The following ITSN1 variants were observed in gnomAD, a reference collection of about 807,000 sequenced individuals.
The protein encoded by ITSN1 is intersectin-1.
A neutral mutation model predicts 239.8 loss-of-function variants in ITSN1; 58 were observed. That is an observed-to-expected ratio of 0.24 (90% confidence interval 0.20 to 0.30). The LOEUF is 0.30. Ranked by LOEUF, ITSN1 falls within the 10% of genes least tolerant of loss-of-function variation. ITSN1 has a pLI of 1.00. For synonymous variants in ITSN1, 780 were observed against 770.8 expected (o/e 1.01, Z -0.20); for missense variants, 1,558 against 2,103.3 (o/e 0.74, Z 5.07).
Position 33,753,761 on chromosome 21 carries a change from TAAAAAAAAAAA to T in ITSN1, c.624-1518_624-1508del, listed in dbSNP as rs760085854. The stretch of plus-strand genomic sequence containing the variant: ...TGGGTGACACGGCAAGTCTCTTTCT[TAAAAAAAAAAA>T]AAAAAAAAAAAAAAAAATTCTCCTA... On this transcript the variant is annotated intron_variant, in intron 7 of 39. Transcript: ENST00000381318. 8.9e-4 allele frequency among the ~76,000 whole-genome samples: 73 copies of T among 81,768 alleles called. 1 individual carries two copies. The highest frequency in any genetic ancestry group is 3.5e-3 in the African/African-American group (62 of 17,578). 53.6% of individuals were successfully genotyped at this position (81,768 alleles called of 152,430 possible).
chr21:33,687,566 A>T (rs912826565), intron 1 of ITSN1, among the ~76,000 whole-genome samples: 1 of 152,290 alleles, frequency 6.6e-6, no homozygotes. Flanking sequence ...AGGGAACAGC[A>T]TTCCTCTTTC....
intron 1 of ITSN1, 79 bp from the exon 2 acceptor site, chr21:33,718,718 A>G: frequency 1.1e-6 from 1 of 903,666 alleles, no homozygotes; most frequent in South Asian, 1.4e-5. Context: ...TCTGACCATT[A>G]AAGATAGCAT....
chr21:33,850,351 G>C (rs899501824), intron 29 of ITSN1, among the ~76,000 whole-genome samples: 4 of 152,228 alleles, frequency 2.6e-5, no homozygotes, highest in African/African-American at 9.6e-5. Flanking sequence ...GAGCTCTGCT[G>C]GACCCACGAG....
At chr21:33,717,285 C>T (rs1190965688) in intron 1 of ITSN1, among the ~76,000 whole-genome samples, 2 of 151,740 alleles carry the variant, frequency 1.3e-5, no homozygotes, top group South Asian at 2.1e-4. Flanking sequence ...TAGCCTTGAC[C>T]TCCCGAGCTC....
chr21:33,862,588 G>T (rs961696996), intron 31 of ITSN1, among the ~76,000 whole-genome samples: 1 of 152,150 alleles, frequency 6.6e-6, no homozygotes, highest in African/African-American at 2.4e-5. Context: ...AAAGGCTTGA[G>T]GGCGAGATGG....
intron 1 of ITSN1, among the ~76,000 whole-genome samples, chr21:33,715,410 G>A (rs372703043): frequency 5.5e-4 from 84 of 152,166 alleles, no homozygotes; most frequent in Middle Eastern, 3.4e-3. Context: ...TGAACAGAAT[G>A]TATTCTCATA....
At position 33,755,278 on chromosome 21, in the gene ITSN1, C is replaced by CTTTT; in HGVS notation, c.624-17_624-14dup. 6.6e-7 allele frequency: 1 copy of CTTTT among 1,503,904 alleles called. No individual in the cohort carries two copies. The allele number at this position is 1,503,904 out of a possible 1,614,324, so 93.2% of individuals were successfully genotyped here. On this transcript the variant is annotated intron_variant, in intron 7 of 39. Coordinates refer to ENST00000381318, the MANE Select transcript of ITSN1 (RefSeq NM_003024.3). ...CCTTATGGATAATCCTCTTTCTCTC[C>CTTTT]TTTTTCTTTTCCCCACAGTGTCCCA...
rs80180156 is a variant in ITSN1, at chr21:33,780,394, C to T, written c.1597-1067C>T. 2.5e-3 allele frequency among the ~76,000 whole-genome samples: 386 copies of T among 152,184 alleles called. 3 individuals carry two copies. The highest frequency in any genetic ancestry group is 9.1e-3 in the African/African-American group (376 of 41,522). On this transcript the variant is annotated intron_variant, in intron 14 of 39. Coordinates refer to ENST00000381318, the MANE Select transcript of ITSN1 (RefSeq NM_003024.3). ...ATCAGATATTGGTTCCCTTTCTGTA[C>T]AGGGATTAGCAGATACTTGCTTTGG... is the stretch of plus-strand genomic sequence containing the variant.
chr21:33,686,408 G>A (rs1568935850), intron 1 of ITSN1, among the ~76,000 whole-genome samples: 1 of 151,914 alleles, frequency 6.6e-6, no homozygotes, highest in African/African-American at 2.4e-5. Flanking sequence ...TTTGAAATTT[G>A]TTATCTTAAG....
At chr21:33,782,226 A>G in intron 16 of ITSN1, 93 bp downstream of exon 16, 1 of 1,191,460 alleles carries the variant, frequency 8.4e-7, no homozygotes, top group African/African-American at 1.5e-5. Context: ...AGGCAGAAAA[A>G]TTTATTATGC....
At chr21:33,761,316 C>G (rs1040610401) in intron 8 of ITSN1, among the ~76,000 whole-genome samples, 25 of 152,244 alleles carry the variant, frequency 1.6e-4, no homozygotes, top group African/African-American at 6.0e-4. Context: ...ATCTGCCTGC[C>G]TCAGCCTCCC....
chr21:33,798,759 A>G (rs1216252995), intron 18 of ITSN1, among the ~76,000 whole-genome samples: 14 of 152,208 alleles, frequency 9.2e-5, no homozygotes, highest in Non-Finnish European at 1.9e-4. Flanking sequence ...GGCGTGAGGT[A>G]TGGAGTTGCA....
Position 33,818,451 on chromosome 21 carries a change from G to A in ITSN1, c.2912G>A (p.Gly971Glu), listed in dbSNP as rs1216174168. The A allele has an allele frequency of 6.2e-7, 1 of 1,614,020 alleles. No individual in the cohort carries two copies. Among genetic ancestry groups the A allele is most frequent in the Non-Finnish European group, 8.5e-7 (1 of 1,179,936 alleles). The change falls in exon 23 of 40, where the codon GGG becomes GAG. Residue 971 changes from glycine to glutamate, a missense_variant. Gly to Glu is a moderately conservative substitution (Grantham distance 98). Around this residue, in one of 2 missense-constraint regions of ITSN1, gnomAD observed 982 missense variants for 1,209.9 expected, o/e 0.81. Transcript: ENST00000381318. ...FPKSYVKLIS[G>E]PIRKSTSMDS... ...AAGTCTTACGTGAAACTCATTTCAG[G>A]GCCCATAAGGAAGTCTACAAGGTAT...
At chr21:33,689,740 G>A (rs1003721335) in intron 1 of ITSN1, among the ~76,000 whole-genome samples, 6 of 152,122 alleles carry the variant, frequency 3.9e-5, no homozygotes, top group African/African-American at 7.2e-5. Flanking sequence ...GGCTGAGGCC[G>A]GTGGATCACC....
chr21:33,867,158 C>T, intron 32 of ITSN1, 75 bp from the exon 33 acceptor site: 2 of 837,012 alleles, frequency 2.4e-6, no homozygotes. Context: ...AGAGTCCTCA[C>T]TGACATTAGT....
Position 33,823,818 on chromosome 21 carries a change from G to A in ITSN1, c.3183+165G>A, listed in dbSNP as rs568601883. On this transcript the variant is annotated intron_variant, in intron 25 of 39. Transcript: ENST00000381318. ...GTTTGATCTTGTCATTTGGCACTGC[G>A]CAGTAAGCACTGGCTTCCCCCAAGC... Among the ~76,000 whole-genome samples, 54 of 152,250 alleles carry A rather than the reference G, an allele frequency of 3.5e-4. No individual in the cohort carries two copies. In the South Asian group the frequency reaches 3.7e-3, roughly 11 times the overall value.
chr21:33,890,885 G>A lies in ITSN1; in HGVS notation c.*2585G>A. Reference sequence around the variant, plus strand: ...TAGACACCCCTGCAAGCGTTCCTCTGCTCTGAGCCACACTGCTAGCTTCTC... The same window carrying A: ...TAGACACCCCTGCAAGCGTTCCTCTACTCTGAGCCACACTGCTAGCTTCTC... On this transcript the variant is annotated 3_prime_UTR_variant, in exon 40 of 40. Transcript: ENST00000381318. 1 of 152,936 alleles carries A rather than the reference G, an allele frequency of 6.5e-6. No individual in the cohort carries two copies. Among genetic ancestry groups the A allele is most frequent in the Non-Finnish European group, 1.5e-5 (1 of 68,394 alleles). The allele number at this position is 152,936 out of a possible 1,614,324, so 9.5% of individuals were successfully genotyped here. A position where few individuals can be genotyped will look rare whatever the true frequency, so the allele number is the denominator to read the frequency against.
At chr21:33,820,686 C>T (rs1455324439) in intron 24 of ITSN1, among the ~76,000 whole-genome samples, 3 of 152,054 alleles carry the variant, frequency 2.0e-5, no homozygotes, top group Non-Finnish European at 1.5e-5. Context: ...TAAACAAATC[C>T]AGCATCTAAT....
In ITSN1 at chr21:33,882,221, G is replaced by C; in HGVS notation, c.4342-22G>C. 6.2e-7 allele frequency: 1 copy of C among 1,606,968 alleles called. No individual in the cohort carries two copies. Among genetic ancestry groups the C allele is most frequent in the South Asian group, 1.1e-5 (1 of 90,382 alleles). On this transcript the variant is annotated intron_variant, in intron 34 of 39. Coordinates refer to ENST00000381318, the MANE Select transcript of ITSN1 (RefSeq NM_003024.3). This position sits in a 1 kb window ranked among gnomAD's most constrained non-coding sequence, Gnocchi z 4.5. ...CGGAGAAACAAAAATGCTACACTTT[G>C]GGTTTTGTTTTCCTTTCTCAGCAAC...
Sources: allele counts gnomAD v4.1 joint callset (sites outside exome capture counted in the v4.1 genomes callset), GRCh38; gene constraint gnomAD v4.1.1; regional missense constraint gnomAD v4.1.1; non-coding constraint Gnocchi (gnomAD v3.1); transcripts MANE v1.5; gene names NCBI Gene and HGNC (gene_info 2026-07-23, HGNC 2026-07-21).